MED13L: variants seen among roughly 807,000 people sequenced by gnomAD.
MED13L encodes the protein mediator of RNA polymerase II transcription subunit 13-like.
MED13L carries 7 observed loss-of-function variants against 220.9 expected under a neutral mutation model. The observed-to-expected ratio is 0.03, with a 90% CI of 0.02 to 0.06. The LOEUF (loss-of-function observed/expected upper bound fraction) is 0.06. Among genes scored for constraint, MED13L ranks in the 10% least tolerant of loss-of-function variants. The pLI is 1.00. For synonymous variants in MED13L, 1,011 were observed against 1,015.2 expected, an observed-to-expected ratio of 1.00 and a Z score of 0.08; for missense variants, 1,965 against 2,760.5, an observed-to-expected ratio of 0.71 and a Z score of 6.46.
intron 4 of MED13L, among the ~76,000 whole-genome samples, chr12:116,067,104 T>A (rs542315123): frequency 8.0e-5 from 12 of 150,910 alleles, no homozygotes; most frequent in Non-Finnish European, 1.8e-4. Flanking sequence ...TCAAAAATAA[T>A]CAACAAGAGA....
intron 4 of MED13L, among the ~76,000 whole-genome samples, chr12:116,089,146 T>C (rs1424536731): frequency 6.6e-6 from 1 of 152,176 alleles, no homozygotes; most frequent in Admixed American, 6.5e-5. Context: ...AAATAAAATA[T>C]ACACTTTCCA....
chr12:116,048,534 AAAG>A (rs1566030028), intron 4 of MED13L, among the ~76,000 whole-genome samples: 1 of 152,254 alleles, frequency 6.6e-6, no homozygotes, highest in Non-Finnish European at 1.5e-5. Flanking sequence ...AAAAGAAACC[AAAG>A]AATACATTTT....
chr12:116,189,656 A>G (rs1357891004), intron 2 of MED13L, among the ~76,000 whole-genome samples: 1 of 152,178 alleles, frequency 6.6e-6, no homozygotes, highest in African/African-American at 2.4e-5. Context: ...ACTTTTGCAT[A>G]AAGTTTGAGA....
chr12:116,247,279 G>A (rs1407183591), intron 1 of MED13L, among the ~76,000 whole-genome samples: 1 of 151,786 alleles, frequency 6.6e-6, no homozygotes, highest in Admixed American at 6.6e-5. Context: ...TCAAAATGGG[G>A]TAATAGAATG....
chr12:115,983,452 A>C lies in MED13L; in HGVS notation c.4620T>G (p.Ala1540=), dbSNP rs1877477039. ...QTPPAAAQGQ[A]TPGNAGPLAP... ...CTAAGGGCCCAGCATTCCCTGGCGT[A>C]GCTTGTCCCTGTGCTGCTGCTGGTG... Residue 1540 remains alanine (A), a synonymous_variant, in exon 21 of 31, where the codon GCT becomes GCG. Transcript: ENST00000281928. 6.2e-7 allele frequency: 1 copy of C among 1,614,086 alleles called. No individual in the cohort carries two copies. Among genetic ancestry groups the C allele is most frequent in the South Asian group, 1.1e-5 (1 of 91,092 alleles).
intron 1 of MED13L, among the ~76,000 whole-genome samples, chr12:116,270,658 C>A (rs929685719): frequency 2.6e-5 from 4 of 152,152 alleles, no homozygotes; most frequent in Non-Finnish European, 5.9e-5. Context: ...GAAATATCAT[C>A]TCCCCTATGT....
chr12:116,218,253 A>AT (rs899378453), intron 2 of MED13L, among the ~76,000 whole-genome samples: 8 of 152,034 alleles, frequency 5.3e-5, no homozygotes, highest in Non-Finnish European at 1.0e-4. Flanking sequence ...ATAAAATGGG[A>AT]TTTTTTATAG....
intron 2 of MED13L, among the ~76,000 whole-genome samples, chr12:116,135,649 T>C (rs910634604): frequency 1.3e-5 from 2 of 152,062 alleles, no homozygotes; most frequent in Non-Finnish European, 2.9e-5. Context: ...CACTATAATA[T>C]AAGGAAGTAG....
chr12:116,192,596 A>G (rs1192054873), intron 2 of MED13L, among the ~76,000 whole-genome samples: 2 of 152,196 alleles, frequency 1.3e-5, no homozygotes, highest in Non-Finnish European at 2.9e-5. Context: ...GGAAACATAA[A>G]TATGTCAAAG....
rs1480395945 is a variant in MED13L, at chr12:116,008,758, A to G, written c.1655T>C (p.Ile552Thr). Residue 552 changes from isoleucine (I) to threonine (T), a missense_variant, in exon 10 of 31, where the codon ATA (isoleucine) becomes ACA (threonine). By Grantham distance (89) the Ile-to-Thr change is moderately conservative. Coordinates refer to ENST00000281928, the MANE Select transcript of MED13L (RefSeq NM_015335.5). Reference protein sequence around the residue: ...LNPMDSPHSPISPLPPTLSPQ... With the variant: ...LNPMDSPHSPTSPLPPTLSPQ... ...GCTGAGTGTTGGTGGCAGAGGGGAT[A>G]TAGGGGAATGAGGTGAATCCATAGG... 6.2e-7 allele frequency: 1 copy of G among 1,613,952 alleles called. No homozygotes were observed. Among genetic ancestry groups the G allele is most frequent in the Admixed American group, 1.7e-5 (1 of 60,002 alleles).
At chr12:116,233,974 C>A (rs552326808) in intron 2 of MED13L, among the ~76,000 whole-genome samples, 4 of 152,050 alleles carry the variant, frequency 2.6e-5, no homozygotes, top group Non-Finnish European at 5.9e-5. Context: ...TGTGTGTGTA[C>A]CCTGTAGGAT....
chr12:116,093,247 T>C (rs1472005817), intron 4 of MED13L, among the ~76,000 whole-genome samples: 1 of 152,172 alleles, frequency 6.6e-6, no homozygotes, highest in African/African-American at 2.4e-5. Context: ...TTGATTTTAG[T>C]TGTCACCACT....
chr12:116,054,802 A>G (rs542153844), intron 4 of MED13L, among the ~76,000 whole-genome samples: 3 of 152,336 alleles, frequency 2.0e-5, no homozygotes, highest in Admixed American at 6.5e-5. Context: ...GGCAGTATCT[A>G]TTAAAGCTGA....
intron 2 of MED13L, among the ~76,000 whole-genome samples, chr12:116,142,633 G>A (rs1273028064): frequency 6.6e-6 from 1 of 152,074 alleles, no homozygotes; most frequent in Non-Finnish European, 1.5e-5. Flanking sequence ...GGTTGCAGCA[G>A]GCCGATATTG....
intron 4 of MED13L, among the ~76,000 whole-genome samples, chr12:116,042,608 C>A (rs1435065748): frequency 1.3e-5 from 2 of 152,168 alleles, no homozygotes; most frequent in African/African-American, 4.8e-5. Context: ...CTTAAATCAG[C>A]CCCCTGAATC....
chr12:116,128,371 T>C (rs1207542393), intron 2 of MED13L, among the ~76,000 whole-genome samples: 2 of 151,960 alleles, frequency 1.3e-5, no homozygotes, highest in Non-Finnish European at 2.9e-5. Flanking sequence ...TTCTTCCTAC[T>C]GACAATTGAA....
chr12:116,156,101 G>A (rs1050230259), intron 2 of MED13L, among the ~76,000 whole-genome samples: 2 of 151,684 alleles, frequency 1.3e-5, no homozygotes, highest in East Asian at 1.9e-4. Context: ...TGCTATTATC[G>A]TAAATAACTA....
At chr12:116,054,209 C>A (rs142303105) in intron 4 of MED13L, among the ~76,000 whole-genome samples, 9,029 of 149,878 alleles carry the variant, frequency 0.06, 354 homozygotes, top group East Asian at 0.13. Context: ...CACACACACA[C>A]ACAAACACAC....
chr12:116,083,985 T>C (rs540061401), intron 4 of MED13L, among the ~76,000 whole-genome samples: 23 of 152,196 alleles, frequency 1.5e-4, no homozygotes, highest in African/African-American at 5.3e-4. Context: ...CTCTGAAACA[T>C]GTAATGCTTG....
Sources: gnomAD v4.1 joint callset for allele counts (sites outside exome capture counted in the v4.1 genomes callset) on GRCh38, gnomAD v4.1.1 for gene constraint, MANE v1.5 for transcripts, NCBI Gene and HGNC (gene_info 2026-07-23, HGNC 2026-07-21) for gene names.